The following TSNARE1 variants were observed in gnomAD, a reference collection of about 807,000 sequenced individuals.
The protein encoded by TSNARE1 is t-SNARE domain-containing protein 1.
A neutral mutation model predicts 62.0 loss-of-function variants in TSNARE1; 49 were observed. The ratio of observed to expected loss-of-function variants is 0.79; its 90% CI spans 0.63 to 1.00. The LOEUF (loss-of-function observed/expected upper bound fraction) is 1.00. TSNARE1 is among the 50% of genes least tolerant of loss of function. The probability of loss-of-function intolerance (pLI) is 0.00; values close to 1 mark genes in which losing one functional copy is unlikely to be tolerated. For synonymous variants in TSNARE1, 328 were observed against 294.4 expected, an observed-to-expected ratio of 1.11 and a Z score of -1.17; for missense variants, 755 against 700.1, an observed-to-expected ratio of 1.08 and a Z score of -0.88.
intron 4 of TSNARE1, among the ~76,000 whole-genome samples, chr8:142,340,463 G>A (rs188068581): frequency 7.8e-4 from 119 of 152,344 alleles, no homozygotes; most frequent in African/African-American, 2.8e-3. Context: ...ACTGCCTAGG[G>A]CCAGGGCTCC....
At chr8:142,245,762 C>T (rs1429390001) in intron 12 of TSNARE1, among the ~76,000 whole-genome samples, 2 of 152,068 alleles carry the variant, frequency 1.3e-5, no homozygotes, top group African/African-American at 2.4e-5. Context: ...GCAGAGGGTG[C>T]GATGAGGCAG....
intron 1 of TSNARE1, among the ~76,000 whole-genome samples, chr8:142,401,517 G>A (rs1486592418): frequency 1.3e-5 from 2 of 152,212 alleles, no homozygotes; most frequent in Admixed American, 6.5e-5. Context: ...GCCATGAGGA[G>A]CTGTGGAAGA....
chr8:142,251,027 G>T (rs1257726788), intron 12 of TSNARE1, among the ~76,000 whole-genome samples: 1 of 152,222 alleles, frequency 6.6e-6, no homozygotes, highest in African/African-American at 2.4e-5. Context: ...TGCCCATGGT[G>T]CTGGAGCTCA....
intron 12 of TSNARE1, among the ~76,000 whole-genome samples, chr8:142,230,994 T>C (rs1396841834): frequency 1.3e-5 from 2 of 151,686 alleles, no homozygotes; most frequent in Non-Finnish European, 2.9e-5. Flanking sequence ...CATTCAACCA[T>C]CCATCCATCT....
chr8:142,245,941 T>C (rs1424235269), intron 12 of TSNARE1, among the ~76,000 whole-genome samples: 1 of 152,226 alleles, frequency 6.6e-6, no homozygotes, highest in East Asian at 1.9e-4. Flanking sequence ...GCTAGGGGTT[T>C]GTACAGACTT....
At chr8:142,307,274 G>A (rs758300190) in intron 9 of TSNARE1, among the ~76,000 whole-genome samples, 7 of 152,216 alleles carry the variant, frequency 4.6e-5, no homozygotes, top group African/African-American at 1.2e-4. Context: ...GGAGTCCCCC[G>A]TGGCATGAAT....
At position 142,344,246 on chromosome 8, in the gene TSNARE1, G is replaced by A. The variant is rs765115360; in HGVS notation, c.465C>T (p.Ala155=). The A allele has an allele frequency of 8.1e-6, 13 of 1,611,618 alleles. No homozygotes were observed. The highest frequency in any genetic ancestry group is 1.1e-5 in the South Asian group (1 of 90,946). The change falls in exon 4 of 14, where the codon GCC becomes GCT. Residue 155 remains alanine, a synonymous_variant. Transcript: ENST00000524325. ...ACACGCGGTACCTGCGAGTGGGCTC[G>A]GCCTTCAGCAGCCCCGTGCCAAACA... ...QLLFGTGLLK[A]EPTRRYRVWS...
At chr8:142,348,202 T>C (rs1367287596) in intron 2 of TSNARE1, among the ~76,000 whole-genome samples, 1 of 152,220 alleles carries the variant, frequency 6.6e-6, no homozygotes, top group Non-Finnish European at 1.5e-5. Flanking sequence ...GCTGCACGTA[T>C]GGCTTTGCTT....
chr8:142,342,199 C>G (rs1322918865), intron 4 of TSNARE1, among the ~76,000 whole-genome samples: 1 of 152,248 alleles, frequency 6.6e-6, no homozygotes, highest in Non-Finnish European at 1.5e-5. Flanking sequence ...TGAAACAGTC[C>G]CGAGGAAGTT....
intron 1 of TSNARE1, among the ~76,000 whole-genome samples, chr8:142,392,327 T>C (rs556623395): frequency 2.4e-4 from 36 of 152,196 alleles, no homozygotes; most frequent in South Asian, 6.2e-4. Flanking sequence ...CAGCCAACTT[T>C]TTTTTAATAA....
chr8:142,280,822 G>A (rs1207814470), intron 11 of TSNARE1, among the ~76,000 whole-genome samples: 1 of 152,282 alleles, frequency 6.6e-6, no homozygotes, highest in Admixed American at 6.5e-5. Flanking sequence ...CGATAGGAGG[G>A]GTCCTGGGGA....
chr8:142,329,709 G>T (rs1210601273), intron 6 of TSNARE1, among the ~76,000 whole-genome samples: 1 of 152,222 alleles, frequency 6.6e-6, no homozygotes, highest in Non-Finnish European at 1.5e-5. Flanking sequence ...ACGCGTGGGT[G>T]TGAGGAAGGC....
chr8:142,311,748 C>A (rs1827658973), intron 9 of TSNARE1, among the ~76,000 whole-genome samples: 1 of 152,114 alleles, frequency 6.6e-6, no homozygotes, highest in Non-Finnish European at 1.5e-5. Context: ...ATCTAGGACT[C>A]TATATTCTTT....
At chr8:142,273,086 C>T in intron 12 of TSNARE1, 2 of 985,434 alleles carry the variant, frequency 2.0e-6, no homozygotes, top group Non-Finnish European at 2.4e-6. Flanking sequence ...GGGGGCGGTG[C>T]CTGCTCTGCC....
chr8:142,358,661 G>A (rs994488902), intron 1 of TSNARE1, among the ~76,000 whole-genome samples: 22 of 152,104 alleles, frequency 1.4e-4, no homozygotes, highest in African/African-American at 4.6e-4. Flanking sequence ...CCGAGTCACC[G>A]CAGGCAGAGG....
intron 1 of TSNARE1, among the ~76,000 whole-genome samples, chr8:142,377,964 T>C (rs1316864012): frequency 6.6e-6 from 1 of 152,228 alleles, no homozygotes; most frequent in Non-Finnish European, 1.5e-5. Flanking sequence ...CCGAAGTGGA[T>C]GGGCTGCATG....
At chr8:142,340,402 G>C (rs1397870441) in intron 4 of TSNARE1, among the ~76,000 whole-genome samples, 1 of 152,178 alleles carries the variant, frequency 6.6e-6, no homozygotes, top group Admixed American at 6.5e-5. Context: ...CAAAGCCGCA[G>C]GCAGACCGCA....
intron 1 of TSNARE1, among the ~76,000 whole-genome samples, chr8:142,380,859 A>C (rs1216457656): frequency 1.3e-5 from 2 of 152,088 alleles, no homozygotes; most frequent in Non-Finnish European, 2.9e-5. Context: ...ATCTTAGGAA[A>C]GTGAGATAAA....
At chr8:142,347,882 G>A (rs1833584340) in intron 2 of TSNARE1, among the ~76,000 whole-genome samples, 14 of 151,988 alleles carry the variant, frequency 9.2e-5, no homozygotes, top group Admixed American at 9.2e-4. Context: ...AGTCCAGAAG[G>A]ACATGTCATC....
Sources: gnomAD v4.1 joint callset for allele counts (sites outside exome capture counted in the v4.1 genomes callset) on GRCh38, gnomAD v4.1.1 for gene constraint, MANE v1.5 for transcripts, NCBI Gene and HGNC (gene_info 2026-07-23, HGNC 2026-07-21) for gene names.